The following MYBL1 variants were observed in gnomAD, a reference collection of about 807,000 sequenced individuals.
The protein encoded by MYBL1 is MYB proto-oncogene like 1, also known as myb-related protein A.
Under a neutral mutation model 96.3 loss-of-function variants are expected in MYBL1, and 17 were observed. That is an observed-to-expected ratio of 0.18 (90% CI 0.12 to 0.26). The LOEUF (loss-of-function observed/expected upper bound fraction) is 0.26, where lower values mean the gene tolerates loss of function less well. Among genes scored for constraint, MYBL1 ranks in the 10% least tolerant of loss-of-function variants. The probability of loss-of-function intolerance (pLI) is 1.00; values close to 1 mark genes in which losing one functional copy is unlikely to be tolerated. For missense variants in MYBL1, 701 were observed against 882.9 expected, an observed-to-expected ratio of 0.79 and a Z score of 2.61; for synonymous variants, 282 against 292.7, an observed-to-expected ratio of 0.96 and a Z score of 0.37.
intron 12 of MYBL1, among the ~76,000 whole-genome samples, chr8:66,568,743 C>T (rs188342745): frequency 1.3e-5 from 2 of 151,876 alleles, no homozygotes; most frequent in Non-Finnish European, 2.9e-5. Flanking sequence ...ATTTCATCAC[C>T]CAGCCGGGCG....
At position 66,613,131 on chromosome 8, in the gene MYBL1, C is replaced by T; in HGVS notation, c.-293G>A. 1 of 402,632 alleles carries T rather than the reference C, an allele frequency of 2.5e-6. No homozygotes were observed. Among genetic ancestry groups the T allele is most frequent in the Non-Finnish European group, 4.4e-6 (1 of 227,734 alleles). 24.9% of individuals were successfully genotyped at this position (402,632 alleles called of 1,614,324 possible). ...CCCGCCCTCCGCCGGCTTCTCCCGC[C>T]GCTTGTCAGCCTCCCTGCCCTGGCC... is the stretch of plus-strand genomic sequence containing the variant. On this transcript the variant is annotated 5_prime_UTR_variant, in exon 1 of 16. Coordinates refer to ENST00000522677, the MANE Select transcript of MYBL1 (RefSeq NM_001080416.4).
intron 8 of MYBL1, among the ~76,000 whole-genome samples, chr8:66,582,702 G>T (rs978938953): frequency 1.6e-4 from 23 of 144,890 alleles, no homozygotes; most frequent in Non-Finnish European, 3.1e-4. Flanking sequence ...TGGGGGGACG[G>T]AGTGAAACCC....
intron 12 of MYBL1, among the ~76,000 whole-genome samples, chr8:66,570,301 T>G (rs571051704): frequency 1.3e-5 from 2 of 151,712 alleles, no homozygotes; most frequent in Admixed American, 6.6e-5. Context: ...CAAATATACT[T>G]TTGTTTTTGT....
At chr8:66,583,352 G>C (rs2129856065) in intron 8 of MYBL1, among the ~76,000 whole-genome samples, 1 of 152,024 alleles carries the variant, frequency 6.6e-6, no homozygotes, top group South Asian at 2.1e-4. Flanking sequence ...TATCAAAAGG[G>C]AAGTTTATAG....
At chr8:66,575,795 T>TATAAATAA (rs371428727) in intron 10 of MYBL1, among the ~76,000 whole-genome samples, 4 of 151,854 alleles carry the variant, frequency 2.6e-5, no homozygotes, top group Non-Finnish European at 4.4e-5. Flanking sequence ...GTCTCCAAAA[T>TATAAATAA]ATAAATAAAT....
chr8:66,602,570 T>C (rs747178377), intron 1 of MYBL1, 47 bp from the exon 2 acceptor site: 2 of 1,400,324 alleles, frequency 1.4e-6, no homozygotes, highest in Middle Eastern at 3.7e-4. Context: ...TATTTAAATT[T>C]GTAAATTCAA....
chr8:66,595,675 T>G lies in MYBL1; in HGVS notation c.595A>C (p.Lys199Gln). ...EQEGYLQDGI[K>Q]SERSSSKLQH... The stretch of plus-strand genomic sequence containing the variant: ...AGTTTAGATGAAGATCGTTCTGATT[T>G]TATTCCATCTTGTAAATAGCCCTCC... Residue 199 changes from lysine to glutamine, a missense_variant, in exon 6 of 16, where the codon AAA becomes CAA. Lys to Gln is a moderately conservative substitution (Grantham distance 53). This residue lies in a region of MYBL1 where 396 missense variants were observed against 407.4 expected (regional missense o/e 0.97). Coordinates refer to ENST00000522677, the MANE Select transcript of MYBL1 (RefSeq NM_001080416.4). 6.3e-7 allele frequency: 1 copy of G among 1,584,936 alleles called. No individual in the cohort carries two copies. The highest frequency in any genetic ancestry group is 8.6e-7 in the Non-Finnish European group (1 of 1,163,794).
chr8:66,572,367 GTATCTGTTTCAGTAAA>G (rs1808770251), intron 12 of MYBL1, 99 bp downstream of exon 12: 3 of 523,636 alleles, frequency 5.7e-6, no homozygotes. Context: ...ATAAAGCTTT[GTATCTGTTTCAGTAAA>G]TATCTTTTTT....
At chr8:66,568,560 C>G (rs1808605181) in intron 12 of MYBL1, among the ~76,000 whole-genome samples, 1 of 152,100 alleles carries the variant, frequency 6.6e-6, no homozygotes, top group Non-Finnish European at 1.5e-5. Flanking sequence ...ACCTCAGCCT[C>G]CCAAAGTGCT....
rs146221019 is a variant in MYBL1, at chr8:66,567,955, G to A, written c.1729-963C>T. On this transcript the variant is annotated intron_variant, in intron 12 of 15. Coordinates refer to ENST00000522677, the MANE Select transcript of MYBL1 (RefSeq NM_001080416.4). ...TGTGCACCCCGGGAGGCTGAGGCAT[G>A]AGAATTGCTTGAACCCAGGAGGCAG... Among the ~76,000 whole-genome samples, 230 of 149,830 alleles carry A rather than the reference G, an allele frequency of 1.5e-3. 1 individual carries two copies. The highest frequency in any genetic ancestry group is 3.9e-3 in the Admixed American group (59 of 14,986).
intron 8 of MYBL1, among the ~76,000 whole-genome samples, chr8:66,584,676 T>C (rs551034200): frequency 3.9e-5 from 6 of 152,110 alleles, no homozygotes; most frequent in African/African-American, 1.4e-4. Context: ...CTGGGCAAGA[T>C]AGCGAGACCC....
chr8:66,599,872 A>G (rs1810000598), intron 3 of MYBL1, among the ~76,000 whole-genome samples: 1 of 152,188 alleles, frequency 6.6e-6, no homozygotes, highest in African/African-American at 2.4e-5. Flanking sequence ...GTACCTAACT[A>G]TACAGTTTTA....
chr8:66,603,194 A>G (rs1810175658), intron 1 of MYBL1, among the ~76,000 whole-genome samples: 1 of 152,184 alleles, frequency 6.6e-6, no homozygotes, highest in South Asian at 2.1e-4. Context: ...TAACACAGCA[A>G]AAGACAAAAG....
chr8:66,574,308 A>G, intron 10 of MYBL1, among the ~76,000 whole-genome samples: 1 of 152,188 alleles, frequency 6.6e-6, no homozygotes, highest in Non-Finnish European at 1.5e-5. Context: ...TCTTTCAGCC[A>G]CTTCTACCTT....
intron 12 of MYBL1, among the ~76,000 whole-genome samples, chr8:66,571,466 A>G (rs1415336921): frequency 1.3e-5 from 2 of 152,188 alleles, no homozygotes; most frequent in Non-Finnish European, 1.5e-5. Context: ...CTAAAGAGGT[A>G]CCCTGATTAG....
Position 66,580,209 on chromosome 8 carries a change from GCCA to G in MYBL1, c.1022_1024del (p.Leu341_Ala342delinsPro), listed in dbSNP as rs1563534858. ...GGATAACACAGCGTTTGCCTCCACGGCCAGGAACTTTGTGGGTGAATTCTGCTG... is the reference window on the plus strand; with the variant it reads ...GGATAACACAGCGTTTGCCTCCACGGGGAACTTTGTGGGTGAATTCTGCTG... On this transcript the variant is annotated inframe_deletion, in exon 9 of 16. Coordinates refer to ENST00000522677, the MANE Select transcript of MYBL1 (RefSeq NM_001080416.4). 7 of 1,613,776 alleles carry G rather than the reference GCCA, an allele frequency of 4.3e-6. No homozygotes were observed. Among genetic ancestry groups the G allele is most frequent in the Non-Finnish European group, 5.9e-6 (7 of 1,179,866 alleles).
chr8:66,593,262 G>T, intron 6 of MYBL1, 68 bp from the exon 7 acceptor site: 1 of 1,064,352 alleles, frequency 9.4e-7, no homozygotes, highest in South Asian at 1.6e-5. Flanking sequence ...TGAAGCAAAT[G>T]ACAAAAACTT....
intron 12 of MYBL1, among the ~76,000 whole-genome samples, chr8:66,569,698 T>G (rs2129720509): frequency 6.6e-6 from 1 of 152,250 alleles, no homozygotes; most frequent in Non-Finnish European, 1.5e-5. Context: ...TCTGGAGGTT[T>G]TTCTCCCTTT....
Position 66,576,349 on chromosome 8 carries a change from G to T in MYBL1, c.1128C>A (p.Thr376=). Residue 376 remains threonine, a synonymous_variant, in exon 10 of 16, where the codon ACC becomes ACA. Coordinates refer to ENST00000522677, the MANE Select transcript of MYBL1 (RefSeq NM_001080416.4). ...CAGCAGCATCAGAAATATCAAAACT[G>T]GTAACGTCACTCCATGCTACAGGAT... The part of the protein sequence containing the change: ...ESDPVAWSDV[T]SFDISDAAAS... 8 of 1,613,036 alleles carry T rather than the reference G, an allele frequency of 5.0e-6. No homozygotes were observed. The highest frequency in any genetic ancestry group is 6.8e-6 in the Non-Finnish European group (8 of 1,179,612).
Sources: gnomAD v4.1 joint callset for allele counts (sites outside exome capture counted in the v4.1 genomes callset) on GRCh38, gnomAD v4.1.1 for gene constraint, gnomAD v4.1.1 regional missense constraint, MANE v1.5 for transcripts, NCBI Gene and HGNC (gene_info 2026-07-23, HGNC 2026-07-21) for gene names.